Variants in BARD1 observed in about 807,000 individuals in gnomAD.
The protein encoded by BARD1 is BRCA1-associated RING domain protein 1.
In BARD1, 73 loss-of-function variants were observed where a neutral mutation model predicts 77.0. That is an observed-to-expected ratio of 0.95 (90% confidence interval 0.79 to 1.15). BARD1 has a LOEUF of 1.15. Ranked by LOEUF, BARD1 falls within the 50% of genes most tolerant of loss-of-function variation. The probability of loss-of-function intolerance (pLI) is 0.00; values close to 1 mark genes in which losing one functional copy is unlikely to be tolerated. For missense variants in BARD1, 993 were observed against 938.8 expected (o/e 1.06, Z -0.75); for synonymous variants, 384 against 338.0 (o/e 1.14, Z -1.49).
intron 6 of BARD1, among the ~76,000 whole-genome samples, chr2:214,753,639 G>A (rs7590017): frequency 0.49 from 74,368 of 151,854 alleles, 18,374 homozygotes; most frequent in East Asian, 0.56. Flanking sequence ...TGCCAATTCC[G>A]TTTGATGCTG....
intron 6 of BARD1, among the ~76,000 whole-genome samples, chr2:214,758,925 C>T (rs888470400): frequency 6.6e-6 from 1 of 152,150 alleles, no homozygotes; most frequent in Admixed American, 6.5e-5. Context: ...ACTGCAAAAA[C>T]ATATGCAAAA....
intron 4 of BARD1, among the ~76,000 whole-genome samples, chr2:214,778,197 C>T (rs13015317): frequency 3.4e-5 from 5 of 147,060 alleles, no homozygotes; most frequent in African/African-American, 1.0e-4. Flanking sequence ...CTCTGTCCCC[C>T]GCCCCTCCCC....
chr2:214,731,803 A>G (rs544164479), intron 9 of BARD1, among the ~76,000 whole-genome samples: 2 of 152,224 alleles, frequency 1.3e-5, no homozygotes, highest in Non-Finnish European at 2.9e-5. Flanking sequence ...ACAGGAGTTT[A>G]ATAGCAGAGG....
intron 4 of BARD1, among the ~76,000 whole-genome samples, 181 bp downstream of exon 4, chr2:214,780,379 A>G (rs113202873): frequency 6.6e-6 from 1 of 152,210 alleles, no homozygotes; most frequent in African/African-American, 2.4e-5. Context: ...CTCAGGGGCC[A>G]CTGCTCCAAC....
chr2:214,775,871 G>A (rs1031374549), intron 4 of BARD1, among the ~76,000 whole-genome samples: 30 of 152,166 alleles, frequency 2.0e-4, no homozygotes, highest in African/African-American at 7.2e-4. Context: ...CATATGCCAA[G>A]GCTGCTTTTG....
chr2:214,742,289 G>A (rs989283765), intron 9 of BARD1, among the ~76,000 whole-genome samples: 7 of 152,126 alleles, frequency 4.6e-5, no homozygotes, highest in African/African-American at 1.7e-4. Flanking sequence ...CTACTCAGAA[G>A]GCTGAAGCTG....
intron 7 of BARD1, 120 bp downstream of exon 7, chr2:214,752,327 T>A (rs1358027134): frequency 1.3e-6 from 1 of 776,444 alleles, no homozygotes. Context: ...ACTCAGGAAG[T>A]GCTCAATAAT....
At chr2:214,791,134 T>C (rs1041148494) in intron 3 of BARD1, among the ~76,000 whole-genome samples, 2 of 150,304 alleles carry the variant, frequency 1.3e-5, no homozygotes, top group African/African-American at 5.0e-5. Context: ...CATCTGAAAG[T>C]AAGAAAAACT....
At chr2:214,775,888 T>C (rs1357475199) in intron 4 of BARD1, among the ~76,000 whole-genome samples, 1 of 152,214 alleles carries the variant, frequency 6.6e-6, no homozygotes, top group Non-Finnish European at 1.5e-5. Context: ...TTTGTTTCCT[T>C]TGCTACCTTC....
chr2:214,763,498 A>T (rs17480388), intron 6 of BARD1, among the ~76,000 whole-genome samples: 63,414 of 151,962 alleles, frequency 0.42, 13,311 homozygotes, highest in South Asian at 0.5. Flanking sequence ...GTCATGAAGA[A>T]CACAGCCAAA....
rs750028642 is a variant in BARD1, at chr2:214,745,862, T to C, written c.1678-8A>G. ...ACGCTGCCCAGTGTTCATCTGTTAATATAAAAGGAGATACCAGTGTTAAAA... is the reference window on the plus strand; with the variant it reads ...ACGCTGCCCAGTGTTCATCTGTTAACATAAAAGGAGATACCAGTGTTAAAA... On this transcript the variant is annotated splice_polypyrimidine_tract_variant and splice_region_variant and intron_variant, in intron 7 of 10. Transcript: ENST00000260947. 3.7e-6 allele frequency: 6 copies of C among 1,613,882 alleles called. No homozygotes were observed. In the South Asian group the frequency reaches 4.4e-5, roughly 12 times the overall value.
At position 214,781,182 on chromosome 2, in the gene BARD1, G is replaced by A. The variant is rs758140052; in HGVS notation, c.692C>T (p.Ser231Phe). 2.5e-5 allele frequency: 40 copies of A among 1,586,876 alleles called. No individual in the cohort carries two copies. The highest frequency in any genetic ancestry group is 6.8e-5 in the African/African-American group (5 of 73,040). Residue 231 changes from serine to phenylalanine, a missense_variant, in exon 4 of 11, where the codon TCC (serine) becomes TTC (phenylalanine). Ser to Phe is a radical substitution (Grantham distance 155, BLOSUM62 -2). Coordinates refer to ENST00000260947, the MANE Select transcript of BARD1 (RefSeq NM_000465.4). Reference protein sequence around the residue: ...EAEKEDGEFDSKEESKQKLVS... With the variant: ...EAEKEDGEFDFKEESKQKLVS... ...CAGCTTTTGCTTAGATTCCTCTTTG[G>A]AGTCAAATTCACCATCTTCTTTTTC...
At chr2:214,746,786 T>C (rs545353157) in intron 7 of BARD1, among the ~76,000 whole-genome samples, 146 of 152,172 alleles carry the variant, frequency 9.6e-4, no homozygotes, top group African/African-American at 3.3e-3. Context: ...ATTCAGGACA[T>C]AGGCATGGGC....
At chr2:214,730,331 A>C in intron 10 of BARD1, 80 bp downstream of exon 10, 2 of 1,255,982 alleles carry the variant, frequency 1.6e-6, no homozygotes, top group African/African-American at 3.0e-5. Flanking sequence ...AGCTGTTGAA[A>C]GGGCAGAAGT....
chr2:214,742,515 T>C (rs999519114), intron 9 of BARD1, among the ~76,000 whole-genome samples: 2 of 152,202 alleles, frequency 1.3e-5, no homozygotes, highest in Admixed American at 1.3e-4. Context: ...TTAGAAAATA[T>C]GACGATATGA....
Position 214,752,495 on chromosome 2 carries a change from C to T in BARD1, c.1629G>A (p.Leu543=), listed in dbSNP as rs748646220. 9.9e-6 allele frequency: 16 copies of T among 1,613,628 alleles called. No individual in the cohort carries two copies. The highest frequency in any genetic ancestry group is 8.8e-5 in the South Asian group (8 of 91,078). The change falls in exon 7 of 11, where the codon TTG becomes TTA. Residue 543 remains leucine (L), a synonymous_variant. Coordinates refer to ENST00000260947, the MANE Select transcript of BARD1 (RefSeq NM_000465.4). ...YTDDESMKSL[L]LLPEKNESSS... The stretch of plus-strand genomic sequence containing the variant: ...ATGATTCATTCTTCTCTGGTAGCAG[C>T]AATAGCGATTTCATACTTTCATCAT...
intron 3 of BARD1, 85 bp from the exon 4 acceptor site, chr2:214,781,594 C>T: frequency 9.7e-7 from 1 of 1,036,232 alleles, no homozygotes; most frequent in Non-Finnish European, 1.4e-6. Flanking sequence ...TTTACAGTTC[C>T]CCTAAAGTGT....
intron 7 of BARD1, among the ~76,000 whole-genome samples, chr2:214,747,219 A>T (rs1284081396): frequency 1.3e-5 from 2 of 152,096 alleles, no homozygotes; most frequent in East Asian, 3.9e-4. Flanking sequence ...GGTGTTGGAG[A>T]GGATGTGGAG....
intron 9 of BARD1, among the ~76,000 whole-genome samples, chr2:214,739,796 A>G (rs1444158756): frequency 2.6e-5 from 4 of 152,114 alleles, no homozygotes; most frequent in Non-Finnish European, 5.9e-5. Flanking sequence ...GCAATTATTT[A>G]TTTTTGACAT....
Sources: allele counts gnomAD v4.1 joint callset (sites outside exome capture counted in the v4.1 genomes callset), GRCh38; gene constraint gnomAD v4.1.1; transcripts MANE v1.5; gene names NCBI Gene and HGNC (gene_info 2026-07-23, HGNC 2026-07-21).